Variants in GCLC observed in about 807,000 individuals in gnomAD.
The protein encoded by GCLC is glutamate--cysteine ligase catalytic subunit.
In GCLC, 30 loss-of-function variants were observed where a neutral mutation model predicts 81.5. The observed-to-expected ratio is 0.37, with a 90% CI of 0.28 to 0.50. The LOEUF is 0.50. Ranked by LOEUF, GCLC falls within the 20% of genes least tolerant of loss-of-function variation. GCLC has a pLI of 0.96. For synonymous variants in GCLC, 262 were observed against 273.3 expected (o/e 0.96, Z 0.41); for missense variants, 556 against 777.4 (o/e 0.72, Z 3.39).
Position 53,520,766 on chromosome 6 carries a change from A to G in GCLC, c.446+12T>C, listed in dbSNP as rs1305422300. ...GAGAGATCTGCTGGGGCATGTTAAT[A>G]TAGGAACTAACCTGGGAAATGAAGT... On this transcript the variant is annotated intron_variant, in intron 3 of 15. Coordinates refer to ENST00000650454, the MANE Select transcript of GCLC (RefSeq NM_001498.4). 1 of 1,609,618 alleles carries G rather than the reference A, an allele frequency of 6.2e-7. No homozygotes were observed. The highest frequency in any genetic ancestry group is 1.7e-5 in the Admixed American group (1 of 60,000).
In GCLC at chr6:53,500,519, G is replaced by C. The variant is rs751863454; in HGVS notation, c.1396-6C>G. 4.4e-6 allele frequency: 7 copies of C among 1,595,882 alleles called. No homozygotes were observed. The highest frequency in any genetic ancestry group is 6.0e-6 in the Non-Finnish European group (7 of 1,164,658). ...ACCTTCATGTTCTCATCAACCTAAG[G>C]GAAAAAAAGAATCACGACTAAGTCA... On this transcript the variant is annotated splice_polypyrimidine_tract_variant and splice_region_variant and intron_variant, in intron 12 of 15. Transcript: ENST00000650454.
At chr6:53,521,169 T>G (rs1762984682) in intron 2 of GCLC, among the ~76,000 whole-genome samples, 2 of 152,190 alleles carry the variant, frequency 1.3e-5, no homozygotes, top group South Asian at 4.1e-4. Flanking sequence ...GTTTTTTTTC[T>G]TTTGAGACAG....
intron 9 of GCLC, 44 bp from the exon 10 acceptor site, chr6:53,507,069 T>C (rs1581730766): frequency 9.8e-7 from 1 of 1,024,704 alleles, no homozygotes; most frequent in Non-Finnish European, 1.6e-6. Context: ...AAGCGAGAGA[T>C]ACCACTTCCT....
At chr6:53,501,885 T>C (rs923307773) in intron 12 of GCLC, among the ~76,000 whole-genome samples, 1 of 152,246 alleles carries the variant, frequency 6.6e-6, no homozygotes, top group Admixed American at 6.5e-5. Flanking sequence ...GCTCTTTAGA[T>C]ACTCAATGAC....
rs757438593 is a variant in GCLC, at chr6:53,498,262, G to T, written c.*494C>A. The T allele has an allele frequency of 6.2e-6, 1 of 160,312 alleles. No individual in the cohort carries two copies. The highest frequency in any genetic ancestry group is 2.4e-5 in the African/African-American group (1 of 41,600). The allele number at this position is 160,312 out of a possible 1,614,324, so 9.9% of individuals were successfully genotyped here. A position where few individuals can be genotyped will look rare whatever the true frequency, so the allele number is the denominator to read the frequency against. On this transcript the variant is annotated 3_prime_UTR_variant, in exon 16 of 16. Coordinates refer to ENST00000650454, the MANE Select transcript of GCLC (RefSeq NM_001498.4). Reference sequence around the variant, plus strand: ...CTAGAAACCCAAGATTACCCTTGAAGCACTTTCAATGGATTCAAGTGATTT... The same window carrying T: ...CTAGAAACCCAAGATTACCCTTGAATCACTTTCAATGGATTCAAGTGATTT...
chr6:53,498,749 A>G lies in GCLC; in HGVS notation c.*7T>C. 1 of 1,561,256 alleles carries G rather than the reference A, an allele frequency of 6.4e-7. No homozygotes were observed. The highest frequency in any genetic ancestry group is 1.1e-5 in the South Asian group (1 of 89,934). ...GTCAATAATGCATTTTTCTTTCTGT[A>G]GAATGTCTAGTTGGATGAGTCAGTT... On this transcript the variant is annotated 3_prime_UTR_variant, in exon 16 of 16. Coordinates refer to ENST00000650454, the MANE Select transcript of GCLC (RefSeq NM_001498.4).
Position 53,522,424 on chromosome 6 carries a change from G to T in GCLC, c.254C>A (p.Thr85Lys). The change falls in exon 2 of 16, where the codon ACA becomes AAA. Residue 85 changes from threonine (T) to lysine (K), a missense_variant. Physicochemically the swap from Thr to Lys is moderately conservative, Grantham distance 78. This residue lies in a region of GCLC where 234 missense variants were observed against 303.8 expected (regional missense o/e 0.77). Coordinates refer to ENST00000650454, the MANE Select transcript of GCLC (RefSeq NM_001498.4). ...GCACATGAGAGCTTACTTTGGGTTT[G>T]TCCTTTCCCCCTTCTCTTGCAGAGT... is the stretch of plus-strand genomic sequence containing the variant. Reference protein sequence around the residue: ...LETLQEKGERTNPNHPTLWRP... With the variant: ...LETLQEKGERKNPNHPTLWRP... 1 of 1,593,310 alleles carries T rather than the reference G, an allele frequency of 6.3e-7. No homozygotes were observed. Among genetic ancestry groups the T allele is most frequent in the Non-Finnish European group, 8.6e-7 (1 of 1,160,892 alleles).
Position 53,538,280 on chromosome 6 carries a change from T to C in GCLC, c.150+6216A>G, listed in dbSNP as rs185683688. The stretch of plus-strand genomic sequence containing the variant: ...GATCCTTCCACCTCAGCCTCCCAAG[T>C]AGCTGGGATTACAGGCACAAGCCAC... On this transcript the variant is annotated intron_variant, in intron 1 of 15. Coordinates refer to ENST00000650454, the MANE Select transcript of GCLC (RefSeq NM_001498.4). 9.0e-4 allele frequency among the ~76,000 whole-genome samples: 136 copies of C among 151,154 alleles called. No homozygotes were observed. The Middle Eastern group carries it at 0.014, about 15-fold the overall frequency.
chr6:53,534,548 C>T (rs1023677493), intron 1 of GCLC, among the ~76,000 whole-genome samples: 2 of 151,404 alleles, frequency 1.3e-5, no homozygotes, highest in African/African-American at 4.9e-5. Flanking sequence ...CACTGCGTAT[C>T]AGATAAGAAA....
intron 3 of GCLC, among the ~76,000 whole-genome samples, chr6:53,518,410 C>G (rs569912589): frequency 1.9e-4 from 29 of 152,268 alleles, no homozygotes; most frequent in African/African-American, 6.0e-4. Flanking sequence ...GCCACCATAC[C>G]TGGCTAATTT....
At chr6:53,533,908 C>T (rs1353369522) in intron 1 of GCLC, among the ~76,000 whole-genome samples, 3 of 151,880 alleles carry the variant, frequency 2.0e-5, no homozygotes, top group African/African-American at 7.3e-5. Flanking sequence ...GATTCTCCTG[C>T]CCCAGCCTCC....
intron 1 of GCLC, among the ~76,000 whole-genome samples, chr6:53,536,186 A>G (rs1276843074): frequency 1.3e-5 from 2 of 152,234 alleles, no homozygotes; most frequent in Non-Finnish European, 2.9e-5. Flanking sequence ...CCAAAAGAGG[A>G]TATGCTGGAT....
chr6:53,540,362 A>C (rs558143797), intron 1 of GCLC, among the ~76,000 whole-genome samples: 1 of 151,988 alleles, frequency 6.6e-6, no homozygotes, highest in African/African-American at 2.4e-5. Flanking sequence ...AGTATGGGAC[A>C]ATTTAGATGA....
In GCLC at chr6:53,506,945, G is replaced by C; in HGVS notation, c.1165C>G (p.Leu389Val). ...PLTLFEEKIH[L>V]DDANESDHFE... ...TGGTCAGACTCATTAGCATCATCCAGGTGTATTTTCTCTTCAAACAGTGTC... is the reference window on the plus strand; with the variant it reads ...TGGTCAGACTCATTAGCATCATCCACGTGTATTTTCTCTTCAAACAGTGTC... The change falls in exon 10 of 16, where the codon CTG becomes GTG. Residue 389 changes from leucine to valine, a missense_variant. Coordinates refer to ENST00000650454, the MANE Select transcript of GCLC (RefSeq NM_001498.4). The surrounding 1 kb of genome is among the most constrained non-coding windows in gnomAD (Gnocchi z 4.0). 6.3e-7 allele frequency: 1 copy of C among 1,598,544 alleles called. No individual in the cohort carries two copies. The highest frequency in any genetic ancestry group is 8.6e-7 in the Non-Finnish European group (1 of 1,165,874).
chr6:53,502,152 C>G lies in GCLC; in HGVS notation c.1396-1639G>C, dbSNP rs757228803. ...AAGATTTTCTTTAATTTTTGTAAAT[C>G]TTACTCATGGCATTTGAAAAAAGAT... On this transcript the variant is annotated intron_variant, in intron 12 of 15. Transcript: ENST00000650454. Among the ~76,000 whole-genome samples the G allele has an allele frequency of 3.4e-4, 52 of 152,180 alleles. 2 individuals carry two copies. The highest frequency in any genetic ancestry group is 1.0e-4 in the Non-Finnish European group (7 of 68,026).
chr6:53,542,441 T>C (rs540263022), intron 1 of GCLC, among the ~76,000 whole-genome samples: 61 of 152,242 alleles, frequency 4.0e-4, no homozygotes, highest in Non-Finnish European at 2.9e-5. Context: ...ACCCAACAAC[T>C]ACAAAAGTTA....
In GCLC at chr6:53,498,446, T is replaced by G; in HGVS notation, c.*310A>C. 1 of 326,838 alleles carries G rather than the reference T, an allele frequency of 3.1e-6. No individual in the cohort carries two copies. Among genetic ancestry groups the G allele is most frequent in the South Asian group, 4.0e-5 (1 of 24,860 alleles). 20.2% of individuals were successfully genotyped at this position (326,838 alleles called of 1,614,324 possible). A position where few individuals can be genotyped will look rare whatever the true frequency, so the allele number is the denominator to read the frequency against. On this transcript the variant is annotated 3_prime_UTR_variant, in exon 16 of 16. Coordinates refer to ENST00000650454, the MANE Select transcript of GCLC (RefSeq NM_001498.4). ...AATGCAAGTATTGTACAATTACCAGTACATTTACAAAACTGCTTAGACAGT... is the reference window on the plus strand; with the variant it reads ...AATGCAAGTATTGTACAATTACCAGGACATTTACAAAACTGCTTAGACAGT...
chr6:53,538,330 CTT>C (rs111804488), intron 1 of GCLC, among the ~76,000 whole-genome samples: 16 of 135,712 alleles, frequency 1.2e-4, no homozygotes, highest in Non-Finnish European at 1.1e-4. Flanking sequence ...TATGCATTTT[CTT>C]TTTTTTTTTT....
At chr6:53,531,864 T>A (rs1341318867) in intron 1 of GCLC, among the ~76,000 whole-genome samples, 1 of 152,220 alleles carries the variant, frequency 6.6e-6, no homozygotes, top group African/African-American at 2.4e-5. Context: ...CCACTTAGAA[T>A]GTGTTGTAGT....
Sources: gnomAD v4.1 joint callset for allele counts (sites outside exome capture counted in the v4.1 genomes callset) on GRCh38, gnomAD v4.1.1 for gene constraint, gnomAD v4.1.1 regional missense constraint, Gnocchi (gnomAD v3.1) non-coding constraint, MANE v1.5 for transcripts, NCBI Gene and HGNC (gene_info 2026-07-23, HGNC 2026-07-21) for gene names.